Variants in NAV3 observed in about 807,000 individuals in gnomAD.
NAV3 encodes pore membrane and/or filament interacting like protein 1.
Under a neutral mutation model 244.7 loss-of-function variants are expected in NAV3, and 87 were observed. The ratio of observed to expected loss-of-function variants is 0.36; its 90% CI spans 0.30 to 0.42. The LOEUF is 0.42. Ranked by LOEUF, NAV3 falls within the 20% of genes least tolerant of loss-of-function variation. The pLI is 1.00. For synonymous variants in NAV3, 1,126 were observed against 1,042.2 expected, an observed-to-expected ratio of 1.08 and a Z score of -1.55; for missense variants, 2,663 against 2,893.3, an observed-to-expected ratio of 0.92 and a Z score of 1.83.
chr12:77,654,581 C>T (rs964826750), intron 2 of NAV3, among the ~76,000 whole-genome samples: 3 of 152,154 alleles, frequency 2.0e-5, no homozygotes, highest in African/African-American at 7.2e-5. Flanking sequence ...ATGTCCCTGT[C>T]TGACAGCTTT....
chr12:78,066,092 G>T (rs754020563), intron 12 of NAV3, among the ~76,000 whole-genome samples: 2 of 152,020 alleles, frequency 1.3e-5, no homozygotes, highest in Non-Finnish European at 2.9e-5. Context: ...CCTTAGAAAA[G>T]AAATCACTAG....
intron 12 of NAV3, among the ~76,000 whole-genome samples, chr12:78,059,896 T>G (rs1418088951): frequency 6.6e-6 from 1 of 152,106 alleles, no homozygotes; most frequent in Non-Finnish European, 1.5e-5. Context: ...GAAGGTGTTG[T>G]AAACATAGAA....
chr12:77,997,430 A>G (rs1172751834), intron 6 of NAV3, among the ~76,000 whole-genome samples: 2 of 152,166 alleles, frequency 1.3e-5, no homozygotes, highest in African/African-American at 4.8e-5. Context: ...TTAAGAGTGA[A>G]ATGAATGATC....
Position 78,050,847 on chromosome 12 carries a change from C to G in NAV3, c.2216C>G (p.Pro739Arg), listed in dbSNP as rs781027432. 3.7e-6 allele frequency: 6 copies of G among 1,614,088 alleles called. No homozygotes were observed. In the East Asian group the frequency reaches 1.3e-4, roughly 36 times the overall value. Reference protein sequence around the residue: ...TIPNLTSRPTPMTWRLGQACP... With the variant: ...TIPNLTSRPTRMTWRLGQACP... ...CCCAACTTGACAAGTCGACCCACCCCCATGACCTGGAGGTTGGGCCAGGCA... is the reference window on the plus strand; with the variant it reads ...CCCAACTTGACAAGTCGACCCACCCGCATGACCTGGAGGTTGGGCCAGGCA... Residue 739 changes from proline to arginine, a missense_variant, in exon 11 of 40, where the codon CCC (proline) becomes CGC (arginine). By Grantham distance (103) the Pro-to-Arg change is moderately radical. Coordinates refer to ENST00000397909, the MANE Select transcript of NAV3 (RefSeq NM_001024383.2).
intron 2 of NAV3, among the ~76,000 whole-genome samples, chr12:77,581,236 T>A (rs117625338): frequency 0.028 from 4,320 of 152,340 alleles, 82 homozygotes; most frequent in Middle Eastern, 0.085. Context: ...TTTTTTTCCT[T>A]AAGTATTTTA....
chr12:78,110,998 AGGTAGG>A (rs907450439), intron 12 of NAV3, among the ~76,000 whole-genome samples: 1 of 152,044 alleles, frequency 6.6e-6, no homozygotes, highest in African/African-American at 2.4e-5. Context: ...ATGGAAAGGT[AGGTAGG>A]AAACAGAGAC....
chr12:78,147,334 T>TA (rs1956903338), intron 21 of NAV3, among the ~76,000 whole-genome samples: 2 of 152,224 alleles, frequency 1.3e-5, no homozygotes, highest in South Asian at 4.1e-4. Flanking sequence ...ATGCTACATC[T>TA]ATTTGCCTTA....
intron 2 of NAV3, among the ~76,000 whole-genome samples, chr12:77,630,176 A>G (rs900203280): frequency 2.0e-5 from 3 of 152,122 alleles, no homozygotes; most frequent in African/African-American, 4.8e-5. Context: ...TCTTCCAGAA[A>G]TTCTGGGGAG....
At chr12:77,946,122 T>TATATA (rs1565946067) in intron 3 of NAV3, among the ~76,000 whole-genome samples, 2 of 144,032 alleles carry the variant, frequency 1.4e-5, no homozygotes, top group African/African-American at 5.1e-5. Context: ...ATATATATAT[T>TATATA]GTGTAAATAT....
chr12:77,600,462 C>T (rs1421312529), intron 2 of NAV3, among the ~76,000 whole-genome samples: 1 of 151,900 alleles, frequency 6.6e-6, no homozygotes, highest in Non-Finnish European at 1.5e-5. Context: ...AGCTTTAGTT[C>T]CTCTGATGCA....
At chr12:77,730,257 A>C (rs1221751718) in intron 2 of NAV3, among the ~76,000 whole-genome samples, 1 of 151,998 alleles carries the variant, frequency 6.6e-6, no homozygotes, top group Non-Finnish European at 1.5e-5. Flanking sequence ...TTAGCAAAAG[A>C]AAAACTTTTT....
At chr12:77,673,234 A>G (rs1167573959) in intron 2 of NAV3, among the ~76,000 whole-genome samples, 1 of 152,154 alleles carries the variant, frequency 6.6e-6, no homozygotes, top group African/African-American at 2.4e-5. Context: ...ATTTGGCTTT[A>G]CTATTCACAC....
intron 2 of NAV3, among the ~76,000 whole-genome samples, chr12:77,790,337 G>A (rs1871127701): frequency 6.6e-6 from 1 of 152,196 alleles, no homozygotes; most frequent in South Asian, 2.1e-4. Context: ...GTGGTACTCA[G>A]TATGTCTAAG....
rs373700923 is a variant in NAV3 at position 78,043,964 on chromosome 12, G to A, written c.2024-6029G>A. 2.0e-5 allele frequency among the ~76,000 whole-genome samples: 3 copies of A among 152,274 alleles called. No individual in the cohort carries two copies. The East Asian group carries it at 5.8e-4, about 29-fold the overall frequency. On this transcript the variant is annotated intron_variant, in intron 9 of 39. Transcript: ENST00000397909. ...ATCCCATTTGTCAACTTTGGCTTTT[G>A]TTGCCATTGCTTTTGGTGTTTTACT...
chr12:78,200,665 A>G (rs1198573480), intron 38 of NAV3, 74 bp downstream of exon 38: 11 of 809,504 alleles, frequency 1.4e-5, no homozygotes, highest in Non-Finnish European at 1.8e-5. Context: ...AAAGCAAAAA[A>G]AAATATCTGG....
At chr12:77,668,498 A>G (rs986149498) in intron 2 of NAV3, among the ~76,000 whole-genome samples, 3 of 152,196 alleles carry the variant, frequency 2.0e-5, no homozygotes, top group African/African-American at 7.2e-5. Context: ...TGCACTGAAA[A>G]GTCTCAGCAA....
chr12:77,769,821 T>A (rs1869979371), intron 2 of NAV3, among the ~76,000 whole-genome samples: 1 of 152,152 alleles, frequency 6.6e-6, no homozygotes, highest in Non-Finnish European at 1.5e-5. Flanking sequence ...TTTAGTTAAC[T>A]AGGCAGTGAA....
At chr12:78,005,170 T>C (rs1873983763) in intron 7 of NAV3, among the ~76,000 whole-genome samples, 1 of 152,146 alleles carries the variant, frequency 6.6e-6, no homozygotes, top group South Asian at 2.1e-4. Context: ...GCACAGAAGA[T>C]ACATAACAAG....
At chr12:77,748,671 G>T (rs1170674863) in intron 2 of NAV3, among the ~76,000 whole-genome samples, 1 of 152,186 alleles carries the variant, frequency 6.6e-6, no homozygotes, top group African/African-American at 2.4e-5. Context: ...TCACTTAGAT[G>T]TGGGGTCTAC....
Sources: allele counts gnomAD v4.1 joint callset (sites outside exome capture counted in the v4.1 genomes callset), GRCh38; gene constraint gnomAD v4.1.1; transcripts MANE v1.5; gene names NCBI Gene and HGNC (gene_info 2026-07-23, HGNC 2026-07-21).